The following CALR3 variants were observed in gnomAD, a reference collection of about 807,000 sequenced individuals.
The protein encoded by CALR3 is calreticulin-3.
A neutral mutation model predicts 48.7 loss-of-function variants in CALR3; 39 were observed. The observed-to-expected ratio is 0.80, with a 90% CI of 0.62 to 1.05. The LOEUF (loss-of-function observed/expected upper bound fraction) is 1.05. CALR3 is among the 50% of genes least tolerant of loss of function. The pLI is 0.00. For missense variants in CALR3, 449 were observed against 474.7 expected (o/e 0.95, Z 0.50); for synonymous variants, 185 against 172.7 (o/e 1.07, Z -0.56).
chr19:16,492,469 G>A (rs2093399578), intron 2 of CALR3, among the ~76,000 whole-genome samples: 1 of 151,692 alleles, frequency 6.6e-6, no homozygotes, highest in African/African-American at 2.4e-5. Context: ...AGTGGCTCAC[G>A]CCTGTAATTC....
At chr19:16,490,797 G>A (rs1417293051) in intron 2 of CALR3, among the ~76,000 whole-genome samples, 24 of 151,522 alleles carry the variant, frequency 1.6e-4, no homozygotes, top group South Asian at 2.1e-4. Context: ...TCACTCTGTC[G>A]CCCAGGCTGG....
chr19:16,481,855 G>A (rs1343772295), intron 7 of CALR3, among the ~76,000 whole-genome samples: 1 of 150,710 alleles, frequency 6.6e-6, no homozygotes, highest in East Asian at 2.0e-4. Context: ...ACTTTGGAAG[G>A]CTGAGGTGGA....
At position 16,482,784 on chromosome 19, in the gene CALR3, T is replaced by C; in HGVS notation, c.680A>G (p.Asp227Gly). The change falls in exon 6 of 9, where the codon GAC (aspartate) becomes GGC (glycine). Residue 227 changes from aspartate to glycine, a missense_variant and splice_region_variant. Physicochemically the swap from Asp to Gly is moderately conservative, Grantham distance 94. Transcript: ENST00000269881. ...GGCGTCCAGAAAATGCTTCTCCCAG[T>C]CCTTCAAAGACATGTAAGGAAAAAG... ...WEQTKDNKAQ[D>G]WEKHFLDAST... 6.2e-7 allele frequency: 1 copy of C among 1,612,488 alleles called. No homozygotes were observed. The highest frequency in any genetic ancestry group is 8.5e-7 in the Non-Finnish European group (1 of 1,179,488).
intron 3 of CALR3, among the ~76,000 whole-genome samples, chr19:16,488,436 G>A (rs551264848): frequency 3.3e-4 from 50 of 151,886 alleles, no homozygotes; most frequent in African/African-American, 1.1e-3. Flanking sequence ...ATGGAGTCTC[G>A]TTCTGTTACC....
intron 2 of CALR3, among the ~76,000 whole-genome samples, chr19:16,494,607 G>A (rs748183851): frequency 6.7e-6 from 1 of 148,872 alleles, no homozygotes; most frequent in East Asian, 2.0e-4. Flanking sequence ...TGATCCGCTC[G>A]CCTAAGGCCT....
intron 8 of CALR3, among the ~76,000 whole-genome samples, chr19:16,480,127 G>A (rs2093378223): frequency 6.9e-6 from 1 of 145,198 alleles, no homozygotes; most frequent in South Asian, 2.2e-4. Flanking sequence ...CGCTTGAACC[G>A]GGAGGTGGAG....
rs1209076661 is a variant in CALR3 at position 16,490,415 on chromosome 19, T to C, written c.349A>G (p.Ile117Val). The change falls in exon 3 of 9, where the codon ATT becomes GTT. Residue 117 changes from isoleucine (I) to valine (V), a missense_variant. Physicochemically the swap from Ile to Val is conservative, Grantham distance 29. Coordinates refer to ENST00000269881, the MANE Select transcript of CALR3 (RefSeq NM_145046.5). ...GGYIKVFPAD[I>V]DQKNLNGKSQ... ...TTTCCATTCAGGTTCTTCTGGTCAA[T>C]GTCTGCAGGAAAGACCTTAATGTAG... 9.3e-6 allele frequency: 15 copies of C among 1,614,106 alleles called. No individual in the cohort carries two copies. The highest frequency in any genetic ancestry group is 1.3e-5 in the Non-Finnish European group (15 of 1,180,062).
intron 7 of CALR3, among the ~76,000 whole-genome samples, 157 bp downstream of exon 7, chr19:16,482,293 G>A (rs1278972362): frequency 6.6e-6 from 1 of 151,962 alleles, no homozygotes; most frequent in Non-Finnish European, 1.5e-5. Flanking sequence ...GAGGTGGGAG[G>A]ATCGCTTGGG....
intron 5 of CALR3, 102 bp from the exon 6 acceptor site, chr19:16,482,887 C>T (rs1246010586): frequency 2.7e-6 from 3 of 1,104,494 alleles, no homozygotes; most frequent in Admixed American, 2.0e-5. Context: ...TGCTCTCACC[C>T]AGGCTGGAGT....
Position 16,495,746 on chromosome 19 carries a change from C to A in CALR3, c.193+5G>T, listed in dbSNP as rs370262315. 3 of 1,610,070 alleles carry A rather than the reference C, an allele frequency of 1.9e-6. No homozygotes were observed. Among genetic ancestry groups the A allele is most frequent in the Non-Finnish European group, 2.6e-6 (3 of 1,176,392 alleles). ...GGCTCAATTTGGTCCTGATTCTACA[C>A]TAACCTTTATCTTTCTCTTTATGAC... On this transcript the variant is annotated splice_donor_5th_base_variant and intron_variant, in intron 2 of 8. Transcript: ENST00000269881.
intron 8 of CALR3, among the ~76,000 whole-genome samples, chr19:16,480,021 G>A (rs1310121303): frequency 6.6e-6 from 1 of 150,694 alleles, no homozygotes; most frequent in Non-Finnish European, 1.5e-5. Flanking sequence ...TGGCCAATAT[G>A]GTGAAACCCC....
At chr19:16,483,900 T>C (rs1242330151) in intron 5 of CALR3, 30 bp downstream of exon 5, 1 of 1,609,676 alleles carries the variant, frequency 6.2e-7, no homozygotes, top group Non-Finnish European at 8.5e-7. Flanking sequence ...ATTTGTGCAC[T>C]TTTTAGAGTT....
rs1275633743 is a variant in CALR3, at chr19:16,482,510, C to T, written c.858G>A (p.Leu286=). 11 of 1,614,130 alleles carry T rather than the reference C, an allele frequency of 6.8e-6. No individual in the cohort carries two copies. Among genetic ancestry groups the T allele is most frequent in the Non-Finnish European group, 9.3e-6 (11 of 1,180,052 alleles). Residue 286 remains leucine, a synonymous_variant, in exon 7 of 9, where the codon TTG becomes TTA. Transcript: ENST00000269881. ...LHRKMKNTDY[L]TQYDLSEFEN... The stretch of plus-strand genomic sequence containing the variant: ...CAAATTCTGAGAGGTCATACTGCGT[C>T]AAATAGTCGGTATTCTTCATCTTAC...
intron 2 of CALR3, among the ~76,000 whole-genome samples, chr19:16,493,984 C>T (rs1427564896): frequency 6.6e-6 from 1 of 152,114 alleles, no homozygotes; most frequent in African/African-American, 2.4e-5. Context: ...CTTGACCTGC[C>T]TGTACAAAAG....
intron 7 of CALR3, 40 bp downstream of exon 7, chr19:16,482,410 C>T: frequency 6.2e-7 from 1 of 1,613,184 alleles, no homozygotes; most frequent in Non-Finnish European, 8.5e-7. Flanking sequence ...ACAAAACACA[C>T]ACACGCAAAA....
intron 7 of CALR3, among the ~76,000 whole-genome samples, chr19:16,481,696 A>C (rs1017087352): frequency 6.6e-6 from 1 of 151,670 alleles, no homozygotes; most frequent in African/African-American, 2.4e-5. Flanking sequence ...ACGAAGTTTC[A>C]CTATGTTGCC....
chr19:16,489,236 G>GCACTTTGGAAGGCCAAGGTGGGTGGATCA (rs2093394136), intron 3 of CALR3, among the ~76,000 whole-genome samples: 2 of 152,228 alleles, frequency 1.3e-5, no homozygotes, highest in African/African-American at 4.8e-5. Flanking sequence ...TGTAATCCCA[G>GCACTTTGGAAGGCCAAGGTGGGTGGATCA]CACTTTGGAA....
chr19:16,485,342 T>TC, intron 3 of CALR3, 85 bp from the exon 4 acceptor site: 1 of 895,666 alleles, frequency 1.1e-6, no homozygotes, highest in Non-Finnish European at 1.8e-6. Context: ...TTTTTTTTTT[T>TC]TTGAGACGGA....
chr19:16,491,412 G>A (rs1341192497), intron 2 of CALR3, among the ~76,000 whole-genome samples: 7 of 149,184 alleles, frequency 4.7e-5, no homozygotes, highest in Non-Finnish European at 1.0e-4. Context: ...GTGAGCCACC[G>A]TGCCCGACTG....
Sources: gnomAD v4.1 joint callset for allele counts (sites outside exome capture counted in the v4.1 genomes callset) on GRCh38, gnomAD v4.1.1 for gene constraint, MANE v1.5 for transcripts, NCBI Gene and HGNC (gene_info 2026-07-23, HGNC 2026-07-21) for gene names.